DCUN1D1: variants seen among roughly 807,000 people sequenced by gnomAD.
The protein encoded by DCUN1D1 is defective in cullin neddylation 1 domain containing 1.
In DCUN1D1, 3 loss-of-function variants were observed where a neutral mutation model predicts 39.0. That is an observed-to-expected ratio of 0.08 (90% CI 0.04 to 0.20). The LOEUF is 0.20. Among genes scored for constraint, DCUN1D1 ranks in the 10% least tolerant of loss-of-function variants. The pLI is 1.00. For missense variants in DCUN1D1, 158 were observed against 302.4 expected (o/e 0.52, Z 3.54); for synonymous variants, 82 against 96.3 (o/e 0.85, Z 0.87).
At chr3:182,972,986 G>A (rs904725462) in intron 1 of DCUN1D1, among the ~76,000 whole-genome samples, 2 of 152,210 alleles carry the variant, frequency 1.3e-5, no homozygotes, top group South Asian at 2.1e-4. Flanking sequence ...AGGTTGTGGT[G>A]AGCGGAGATC....
chr3:182,982,750 C>T (rs1728598006), upstream of DCUN1D1, among the ~76,000 whole-genome samples: 1 of 152,098 alleles, frequency 6.6e-6, no homozygotes, highest in South Asian at 2.1e-4. Flanking sequence ...TCAAGCGATT[C>T]TCCTGTCTCA....
chr3:182,945,257 A>G, intron 6 of DCUN1D1, 84 bp from the exon 7 acceptor site: 1 of 1,026,938 alleles, frequency 9.7e-7, no homozygotes, highest in East Asian at 2.4e-5. Flanking sequence ...TCCTTTTTTT[A>G]AGACTTCCTC....
intron 4 of DCUN1D1, among the ~76,000 whole-genome samples, chr3:182,959,816 C>G (rs941687780): frequency 1.3e-5 from 2 of 152,200 alleles, no homozygotes; most frequent in Non-Finnish European, 2.9e-5. Context: ...CAGCATTTAA[C>G]TCATGGGGGT....
chr3:182,952,272 T>C (rs1726793530), intron 4 of DCUN1D1, among the ~76,000 whole-genome samples: 2 of 152,232 alleles, frequency 1.3e-5, no homozygotes, highest in African/African-American at 4.8e-5. Context: ...CTTCTCACTT[T>C]CTTTTCCTGG....
chr3:182,982,315 G>T (rs928425785), upstream of DCUN1D1, among the ~76,000 whole-genome samples: 1 of 152,212 alleles, frequency 6.6e-6, no homozygotes, highest in South Asian at 2.1e-4. Flanking sequence ...TATACAGCCT[G>T]TGTCACGCTG....
intron 1 of DCUN1D1, among the ~76,000 whole-genome samples, chr3:182,966,925 G>A (rs948593835): frequency 8.5e-5 from 13 of 152,156 alleles, no homozygotes; most frequent in African/African-American, 2.9e-4. Flanking sequence ...TGCCCAACAT[G>A]GTGAAACCCC....
At chr3:182,976,141 G>A (rs1229231862) in intron 1 of DCUN1D1, among the ~76,000 whole-genome samples, 1 of 152,058 alleles carries the variant, frequency 6.6e-6, no homozygotes, top group Non-Finnish European at 1.5e-5. Context: ...ACATTAGACA[G>A]TCATCTTAAA....
chr3:182,955,155 C>T (rs531182293), intron 4 of DCUN1D1, among the ~76,000 whole-genome samples: 1 of 152,102 alleles, frequency 6.6e-6, no homozygotes, highest in South Asian at 2.1e-4. Flanking sequence ...ATTCTCCTGC[C>T]TCAGCCTTCC....
intron 1 of DCUN1D1, among the ~76,000 whole-genome samples, chr3:182,968,250 A>AT (rs1454077416): frequency 6.6e-6 from 1 of 152,184 alleles, no homozygotes; most frequent in East Asian, 1.9e-4. Flanking sequence ...ACATATTGGC[A>AT]TAACTTTTCC....
chr3:182,948,967 G>C (rs1455778594), intron 4 of DCUN1D1, among the ~76,000 whole-genome samples: 2 of 151,116 alleles, frequency 1.3e-5, no homozygotes, highest in Non-Finnish European at 2.9e-5. Flanking sequence ...AGAATCGCTT[G>C]AAACCGGAAG....
intron 1 of DCUN1D1, among the ~76,000 whole-genome samples, chr3:182,979,367 C>G (rs1022189261): frequency 6.6e-6 from 1 of 152,160 alleles, no homozygotes; most frequent in Non-Finnish European, 1.5e-5. Flanking sequence ...TCCCTTAACA[C>G]AGGCGCGCAC....
At chr3:182,975,503 T>TATATGCA (rs1217265710) in intron 1 of DCUN1D1, among the ~76,000 whole-genome samples, 1 of 151,936 alleles carries the variant, frequency 6.6e-6, no homozygotes, top group Non-Finnish European at 1.5e-5. Flanking sequence ...TAACTGTACC[T>TATATGCA]CCAACTTTCT....
chr3:182,951,388 G>T (rs1726726885), intron 4 of DCUN1D1, among the ~76,000 whole-genome samples: 1 of 151,872 alleles, frequency 6.6e-6, no homozygotes, highest in African/African-American at 2.4e-5. Context: ...ACCAAAATAA[G>T]AATTTGACAA....
rs17766121 is a variant in DCUN1D1 at position 182,947,918 on chromosome 3, A to G, written c.521-286T>C. ...ATGCAGTTAAACATAGTAGCTCACA[A>G]AAGTGTTCAAATATTAGTTACTGTA... On this transcript the variant is annotated intron_variant, in intron 4 of 6. Coordinates refer to ENST00000292782, the MANE Select transcript of DCUN1D1 (RefSeq NM_020640.4). 9.4e-3 allele frequency among the ~76,000 whole-genome samples: 1,429 copies of G among 152,318 alleles called. 13 individuals are homozygous for G. The highest frequency in any genetic ancestry group is 0.015 in the Non-Finnish European group (1,030 of 68,010).
chr3:182,965,071 G>T (rs1727603153), intron 2 of DCUN1D1, among the ~76,000 whole-genome samples: 1 of 152,150 alleles, frequency 6.6e-6, no homozygotes, highest in Non-Finnish European at 1.5e-5. Context: ...AAGAAACTCT[G>T]TAAATATATT....
chr3:182,953,960 G>A (rs182823055), intron 4 of DCUN1D1, among the ~76,000 whole-genome samples: 101 of 152,254 alleles, frequency 6.6e-4, no homozygotes, highest in Middle Eastern at 6.8e-3. Context: ...GATGAACATG[G>A]AAATGAATTG....
intron 4 of DCUN1D1, among the ~76,000 whole-genome samples, chr3:182,949,812 CT>C (rs1726615942): frequency 6.6e-6 from 1 of 152,202 alleles, no homozygotes; most frequent in Non-Finnish European, 1.5e-5. Flanking sequence ...TGACCCTTAA[CT>C]TTCTTCAATG....
chr3:182,951,427 C>T (rs1301199297), intron 4 of DCUN1D1, among the ~76,000 whole-genome samples: 1 of 151,572 alleles, frequency 6.6e-6, no homozygotes, highest in Non-Finnish European at 1.5e-5. Context: ...TAATCCTGAA[C>T]AACATAGTGA....
At chr3:182,958,335 T>A (rs1727203229) in intron 4 of DCUN1D1, among the ~76,000 whole-genome samples, 1 of 152,120 alleles carries the variant, frequency 6.6e-6, no homozygotes, top group Non-Finnish European at 1.5e-5. Flanking sequence ...AGTAGAGATT[T>A]CCATATACCC....
Sources: allele counts gnomAD v4.1 joint callset (sites outside exome capture counted in the v4.1 genomes callset), GRCh38; gene constraint gnomAD v4.1.1; transcripts MANE v1.5; gene names NCBI Gene and HGNC (gene_info 2026-07-23, HGNC 2026-07-21).